Variants in EBF1 observed in about 807,000 individuals in gnomAD.
EBF1 encodes the protein EBF transcription factor 1.
EBF1 carries 10 observed loss-of-function variants against 68.4 expected under a neutral mutation model. The observed-to-expected ratio is 0.15, with a 90% CI of 0.09 to 0.25. The LOEUF is 0.25. Ranked by LOEUF, EBF1 falls within the 10% of genes least tolerant of loss-of-function variation. The pLI is 1.00. For synonymous variants in EBF1, 298 were observed against 299.8 expected, an observed-to-expected ratio of 0.99 and a Z score of 0.06; for missense variants, 509 against 794.4, an observed-to-expected ratio of 0.64 and a Z score of 4.32.
intron 10 of EBF1, among the ~76,000 whole-genome samples, chr5:158,759,891 A>G (rs1771020188): frequency 1.3e-5 from 2 of 152,098 alleles, no homozygotes; most frequent in African/African-American, 4.8e-5. Flanking sequence ...TGTTTTAATT[A>G]AATTGGAATT....
chr5:158,924,301 T>C (rs533751429), intron 6 of EBF1, among the ~76,000 whole-genome samples: 1 of 151,498 alleles, frequency 6.6e-6, no homozygotes, highest in East Asian at 1.9e-4. Context: ...TGGAAGGAGG[T>C]TTTCCACGCA....
At chr5:158,804,726 G>C (rs1781255814) in intron 8 of EBF1, among the ~76,000 whole-genome samples, 2 of 152,146 alleles carry the variant, frequency 1.3e-5, no homozygotes, top group African/African-American at 4.8e-5. Flanking sequence ...AACTCAAGGT[G>C]TGACTACACT....
At chr5:159,043,187 T>C (rs1224770801) in intron 6 of EBF1, among the ~76,000 whole-genome samples, 4 of 152,220 alleles carry the variant, frequency 2.6e-5, no homozygotes, top group Admixed American at 1.3e-4. Context: ...CAAGGTCTTA[T>C]GGCTAGTTAG....
intron 6 of EBF1, among the ~76,000 whole-genome samples, chr5:158,961,819 A>G (rs1482159380): frequency 6.6e-6 from 1 of 152,202 alleles, no homozygotes; most frequent in Non-Finnish European, 1.5e-5. Context: ...TTTTCTCAAT[A>G]ATTATTTCTT....
intron 6 of EBF1, among the ~76,000 whole-genome samples, chr5:158,998,962 C>T (rs1224907160): frequency 6.6e-6 from 1 of 152,102 alleles, no homozygotes; most frequent in African/African-American, 2.4e-5. Flanking sequence ...TTAGTGCCTA[C>T]ACCCAAAGCA....
intron 6 of EBF1, among the ~76,000 whole-genome samples, chr5:158,952,118 C>T (rs1816146197): frequency 6.6e-6 from 1 of 152,198 alleles, no homozygotes. Flanking sequence ...CCAGGCCGGC[C>T]TCTCAGTATT....
chr5:158,906,450 C>A (rs1274980201), intron 6 of EBF1, among the ~76,000 whole-genome samples: 1 of 151,866 alleles, frequency 6.6e-6, no homozygotes, highest in East Asian at 1.9e-4. Context: ...TGAGATGTAA[C>A]AACAAAAAGG....
At position 158,764,277 on chromosome 5, in the gene EBF1, T is replaced by C. The variant is rs536885013; in HGVS notation, c.1036+13136A>G. Reference sequence around the variant, plus strand: ...AGTGTGGAGACAAGCTCTTGGCTGATAGGTGGAAGAAAAGGAATCTGGTGT... The same window carrying C: ...AGTGTGGAGACAAGCTCTTGGCTGACAGGTGGAAGAAAAGGAATCTGGTGT... On this transcript the variant is annotated intron_variant, in intron 10 of 15. Coordinates refer to ENST00000313708, the MANE Select transcript of EBF1 (RefSeq NM_024007.5). 2.6e-5 allele frequency among the ~76,000 whole-genome samples: 4 copies of C among 152,320 alleles called. No homozygotes were observed. In the South Asian group the frequency reaches 8.3e-4, roughly 32 times the overall value.
Position 158,907,140 on chromosome 5 carries a change from T to C in EBF1, c.555-67030A>G, listed in dbSNP as rs145560632. 5.8e-3 allele frequency among the ~76,000 whole-genome samples: 881 copies of C among 152,210 alleles called. 6 individuals are homozygous for C. Among genetic ancestry groups the C allele is most frequent in the Middle Eastern group, 0.058 (17 of 294 alleles). On this transcript the variant is annotated intron_variant, in intron 6 of 15. Transcript: ENST00000313708. The stretch of plus-strand genomic sequence containing the variant: ...AGTAATTATGGCTAGATACTGGGAG[T>C]ATGATAGTTTCTGAAACAGACATCA...
intron 2 of EBF1, chr5:159,096,614 G>A: frequency 3.1e-6 from 2 of 638,494 alleles, no homozygotes; most frequent in Non-Finnish European, 5.5e-6. Context: ...AGAAAATTCC[G>A]TCGGGCGCAC....
At chr5:158,908,241 T>C (rs1805100956) in intron 6 of EBF1, among the ~76,000 whole-genome samples, 1 of 152,226 alleles carries the variant, frequency 6.6e-6, no homozygotes, top group Non-Finnish European at 1.5e-5. Flanking sequence ...CACCCATACA[T>C]GCATTTTTTA....
At chr5:158,839,671 C>T (rs1336522130) in intron 7 of EBF1, among the ~76,000 whole-genome samples, 1 of 152,230 alleles carries the variant, frequency 6.6e-6, no homozygotes, top group African/African-American at 2.4e-5. Context: ...GCATGAGCCA[C>T]TGCGCTCAGC....
intron 6 of EBF1, among the ~76,000 whole-genome samples, chr5:158,872,996 A>ATTTTT (rs539493620): frequency 0.023 from 1,859 of 81,098 alleles, 177 homozygotes; most frequent in Non-Finnish European, 0.031. Flanking sequence ...AATGACACTA[A>ATTTTT]TTTTTTTTTT....
At chr5:159,049,767 C>T (rs1053135670) in intron 6 of EBF1, among the ~76,000 whole-genome samples, 2 of 152,150 alleles carry the variant, frequency 1.3e-5, no homozygotes, top group Non-Finnish European at 1.5e-5. Flanking sequence ...CATAAGATTT[C>T]CCAGAAGGCA....
rs555714236 is a variant in EBF1, at chr5:159,083,233, A to G, written c.485+1433T>C. On this transcript the variant is annotated intron_variant, in intron 5 of 15. Transcript: ENST00000313708. ...AGAACAGAGATATGGTCAAAAAGAT[A>G]GTAAGAAGAAAGAGGTCATGTTTTA... is the stretch of plus-strand genomic sequence containing the variant. 9.0e-4 allele frequency among the ~76,000 whole-genome samples: 137 copies of G among 152,368 alleles called. 2 individuals are homozygous for G. Among genetic ancestry groups the G allele is most frequent in the Non-Finnish European group, 1.5e-3 (102 of 68,028 alleles).
chr5:158,847,326 A>G (rs1340827280), intron 6 of EBF1, among the ~76,000 whole-genome samples: 1 of 152,222 alleles, frequency 6.6e-6, no homozygotes. Context: ...GTCTCCTCAT[A>G]CTAGAAGTCA....
At chr5:158,971,535 G>A (rs116003910) in intron 6 of EBF1, among the ~76,000 whole-genome samples, 3 of 152,066 alleles carry the variant, frequency 2.0e-5, no homozygotes, top group Middle Eastern at 3.4e-3. Flanking sequence ...GACACCTCCC[G>A]CCCAGGTCAA....
chr5:158,983,564 T>G (rs528751195), intron 6 of EBF1: 2 of 152,184 alleles, frequency 1.3e-5, no homozygotes, highest in Non-Finnish European at 2.9e-5. Context: ...AAGGTACATT[T>G]AATTATTGCG....
At chr5:158,755,140 T>C (rs1325725563) in intron 10 of EBF1, among the ~76,000 whole-genome samples, 1 of 151,948 alleles carries the variant, frequency 6.6e-6, no homozygotes, top group African/African-American at 2.4e-5. Context: ...AGAGTTTTTC[T>C]TATAATTTCT....
Sources: allele counts gnomAD v4.1 joint callset (sites outside exome capture counted in the v4.1 genomes callset), GRCh38; gene constraint gnomAD v4.1.1; transcripts MANE v1.5; gene names NCBI Gene and HGNC (gene_info 2026-07-23, HGNC 2026-07-21).